TAF1B: variants seen among roughly 807,000 people sequenced by gnomAD.
TAF1B encodes TATA box-binding protein-associated factor RNA polymerase I subunit B.
In TAF1B, 61 loss-of-function variants were observed where a neutral mutation model predicts 83.9. The ratio of observed to expected loss-of-function variants is 0.73; its 90% CI spans 0.59 to 0.90. TAF1B has a LOEUF of 0.90. Among genes scored for constraint, TAF1B ranks in the 40% least tolerant of loss-of-function variants. The probability of loss-of-function intolerance (pLI) is 0.00; values close to 1 mark genes in which losing one functional copy is unlikely to be tolerated. For missense variants in TAF1B, 625 were observed against 677.0 expected (o/e 0.92, Z 0.85); for synonymous variants, 221 against 224.6 (o/e 0.98, Z 0.14).
intron 8 of TAF1B, among the ~76,000 whole-genome samples, chr2:9,885,822 T>C (rs1456934938): frequency 6.6e-6 from 1 of 151,662 alleles, no homozygotes; most frequent in Non-Finnish European, 1.5e-5. Context: ...ATATTGATAA[T>C]TTTTGCTTAG....
chr2:9,901,996 GA>G (rs1334603515), intron 8 of TAF1B, among the ~76,000 whole-genome samples: 3 of 152,008 alleles, frequency 2.0e-5, no homozygotes, highest in Non-Finnish European at 4.4e-5. Flanking sequence ...AACATAAACT[GA>G]AGGCATTTTT....
intron 12 of TAF1B, among the ~76,000 whole-genome samples, chr2:9,917,902 C>G (rs929966246): frequency 1.3e-5 from 2 of 151,784 alleles, no homozygotes; most frequent in African/African-American, 4.8e-5. Flanking sequence ...GAAACCCCGT[C>G]TCTACTAAAA....
rs1343849452 is a variant in TAF1B, at chr2:9,849,617, G to C, written c.205+157G>C. Among the ~76,000 whole-genome samples, 4 of 152,192 alleles carry C rather than the reference G, an allele frequency of 2.6e-5. No homozygotes were observed. In the East Asian group the frequency reaches 7.7e-4, roughly 29 times the overall value. ...TCTATCCTATGTCTGTATTCATTGT[G>C]GGTGAATATTATTTCTGGTGCTTTT... is the stretch of plus-strand genomic sequence containing the variant. On this transcript the variant is annotated intron_variant, in intron 3 of 14. Transcript: ENST00000263663.
chr2:9,930,022 G>A (rs573394075), intron 14 of TAF1B, among the ~76,000 whole-genome samples: 24 of 152,116 alleles, frequency 1.6e-4, no homozygotes, highest in Admixed American at 9.2e-4. Flanking sequence ...CTGTGGGATC[G>A]GTGGTGATAT....
intron 4 of TAF1B, among the ~76,000 whole-genome samples, chr2:9,852,924 C>T (rs1254707555): frequency 1.3e-5 from 2 of 152,182 alleles, no homozygotes; most frequent in African/African-American, 4.8e-5. Context: ...AGAACAACCA[C>T]GATTTCAGTG....
At chr2:9,855,002 G>GT (rs79779900) in intron 5 of TAF1B, among the ~76,000 whole-genome samples, 1 of 151,206 alleles carries the variant, frequency 6.6e-6, no homozygotes. Flanking sequence ...CATTTGTTTG[G>GT]TTTTTTTTTG....
chr2:9,903,893 G>A (rs1665264673), intron 8 of TAF1B, among the ~76,000 whole-genome samples: 1 of 152,202 alleles, frequency 6.6e-6, no homozygotes, highest in Non-Finnish European at 1.5e-5. Context: ...AGTTTTAAGA[G>A]CCAAATAGAA....
chr2:9,875,271 G>A (rs1028558744), intron 6 of TAF1B, among the ~76,000 whole-genome samples: 14 of 152,062 alleles, frequency 9.2e-5, no homozygotes, highest in East Asian at 1.9e-4. Flanking sequence ...GCTCAAATCC[G>A]TCTTTAGAAT....
chr2:9,896,642 A>AAT (rs66506343), intron 8 of TAF1B, among the ~76,000 whole-genome samples: 29,563 of 128,920 alleles, frequency 0.23, 3,937 homozygotes, highest in Middle Eastern at 0.36. Flanking sequence ...AAAAAAAAAA[A>AAT]GCTTTAAAAA....
intron 6 of TAF1B, among the ~76,000 whole-genome samples, chr2:9,874,910 A>G (rs1664275305): frequency 6.6e-6 from 1 of 151,788 alleles, no homozygotes; most frequent in South Asian, 2.1e-4. Flanking sequence ...CCTTTCCTTT[A>G]TTTAAAAAAT....
rs748155417 is a variant in TAF1B, at chr2:9,919,070, A to C, written c.1301A>C (p.Tyr434Ser). The C allele has an allele frequency of 6.2e-7, 1 of 1,614,176 alleles. No individual in the cohort carries two copies. The highest frequency in any genetic ancestry group is 2.2e-5 in the East Asian group (1 of 44,884). Residue 434 changes from tyrosine (Y) to serine (S), a missense_variant, in exon 13 of 15, where the codon TAC (tyrosine) becomes TCC (serine). Tyr to Ser is a moderately radical substitution (Grantham distance 144). Coordinates refer to ENST00000263663, the MANE Select transcript of TAF1B (RefSeq NM_005680.3). ...CTGTGGAAAAGTGAAAAGCCACTCTACTACTCATTTGTCGACAAACCAGTA... is the reference window on the plus strand; with the variant it reads ...CTGTGGAAAAGTGAAAAGCCACTCTCCTACTCATTTGTCGACAAACCAGTA... ...KYLWKSEKPLYYSFVDKPVAY... is the reference protein window; with the variant it reads ...KYLWKSEKPLSYSFVDKPVAY...
intron 8 of TAF1B, among the ~76,000 whole-genome samples, chr2:9,883,769 C>G (rs1407751802): frequency 6.6e-6 from 1 of 152,186 alleles, no homozygotes; most frequent in African/African-American, 2.4e-5. Context: ...ATTTGAATGT[C>G]AAAGGATTAA....
At chr2:9,879,436 A>G (rs948384362) in intron 7 of TAF1B, among the ~76,000 whole-genome samples, 2 of 152,186 alleles carry the variant, frequency 1.3e-5, no homozygotes, top group South Asian at 2.1e-4. Flanking sequence ...AGATGGCATG[A>G]TATTTCATCA....
At chr2:9,860,126 G>A (rs936256882) in intron 5 of TAF1B, among the ~76,000 whole-genome samples, 14 of 152,136 alleles carry the variant, frequency 9.2e-5, no homozygotes, top group Non-Finnish European at 1.9e-4. Flanking sequence ...CAGCATGGGG[G>A]AAACTGCCCC....
chr2:9,849,300 A>G (rs1663305960), intron 2 of TAF1B, 73 bp from the exon 3 acceptor site: 2 of 1,225,862 alleles, frequency 1.6e-6, no homozygotes, highest in Non-Finnish European at 2.3e-6. Context: ...TATACTTTCC[A>G]GAAAATACCT....
In TAF1B at chr2:9,914,011, T is replaced by C. The variant is rs912502352; in HGVS notation, c.1271+762T>C. On this transcript the variant is annotated intron_variant, in intron 12 of 14. Transcript: ENST00000263663. The surrounding 1 kb of genome is among the most constrained non-coding windows in gnomAD (Gnocchi z 4.3). ...GAAAAATCAAGGTTCCCCATATTAG[T>C]TGAAATGAGAATTTGTTCAGCTCCT... is the stretch of plus-strand genomic sequence containing the variant. Among the ~76,000 whole-genome samples, 2 of 152,234 alleles carry C rather than the reference T, an allele frequency of 1.3e-5. No homozygotes were observed. Among genetic ancestry groups the C allele is most frequent in the Non-Finnish European group, 2.9e-5 (2 of 68,040 alleles).
intron 14 of TAF1B, among the ~76,000 whole-genome samples, chr2:9,920,231 G>A (rs912347396): frequency 1.3e-5 from 2 of 152,052 alleles, no homozygotes; most frequent in Admixed American, 1.3e-4. Context: ...TCAAACTCAG[G>A]AAACTTAATA....
chr2:9,914,741 T>G lies in TAF1B; in HGVS notation c.1271+1492T>G, dbSNP rs982149066. 7.9e-5 allele frequency among the ~76,000 whole-genome samples: 12 copies of G among 152,314 alleles called. No homozygotes were observed. Among genetic ancestry groups the G allele is most frequent in the African/African-American group, 2.9e-4 (12 of 41,568 alleles). On this transcript the variant is annotated intron_variant, in intron 12 of 14. Coordinates refer to ENST00000263663, the MANE Select transcript of TAF1B (RefSeq NM_005680.3). This position sits in a 1 kb window ranked among gnomAD's most constrained non-coding sequence, Gnocchi z 4.3. The stretch of plus-strand genomic sequence containing the variant: ...AGGTACCGGGCCCCAAGGTGGAGGC[T>G]GTCGAGGGGACCCGTTTCCAAGGTC...
At chr2:9,882,186 C>T (rs772545429) in intron 7 of TAF1B, among the ~76,000 whole-genome samples, 4 of 151,986 alleles carry the variant, frequency 2.6e-5, no homozygotes, top group Non-Finnish European at 5.9e-5. Context: ...CTGCAACCTC[C>T]GCCTCCCAGG....
Sources: gnomAD v4.1 joint callset for allele counts (sites outside exome capture counted in the v4.1 genomes callset) on GRCh38, gnomAD v4.1.1 for gene constraint, Gnocchi (gnomAD v3.1) non-coding constraint, MANE v1.5 for transcripts, NCBI Gene and HGNC (gene_info 2026-07-23, HGNC 2026-07-21) for gene names.